Variants in TACC2 observed in about 807,000 individuals in gnomAD.
TACC2 encodes transforming acidic coiled-coil-containing protein 2.
TACC2 carries 137 observed loss-of-function variants against 227.3 expected under a neutral mutation model. The observed-to-expected ratio is 0.60, with a 90% CI of 0.52 to 0.69. TACC2 has a LOEUF of 0.69. TACC2 is among the 30% of genes least tolerant of loss of function. TACC2 has a pLI of 0.00. For missense variants in TACC2, 3,470 were observed against 3,694.4 expected, an observed-to-expected ratio of 0.94 and a Z score of 1.57; for synonymous variants, 1,523 against 1,487.5, an observed-to-expected ratio of 1.02 and a Z score of -0.55.
intron 5 of TACC2, among the ~76,000 whole-genome samples, chr10:122,103,950 G>A (rs1352357524): frequency 6.6e-6 from 1 of 152,190 alleles, no homozygotes; most frequent in African/African-American, 2.4e-5. Flanking sequence ...GGCATTATAA[G>A]ACTAAAACAG....
intron 5 of TACC2, among the ~76,000 whole-genome samples, chr10:122,097,744 C>G (rs1267830003): frequency 6.6e-6 from 1 of 152,090 alleles, no homozygotes; most frequent in East Asian, 1.9e-4. Context: ...ACAATGTCTC[C>G]TGGGGGTAAA....
At chr10:121,989,816 G>A (rs1210046608) in intron 1 of TACC2, among the ~76,000 whole-genome samples, 1 of 151,312 alleles carries the variant, frequency 6.6e-6, no homozygotes, top group Non-Finnish European at 1.5e-5. Flanking sequence ...AGAGTGCGGT[G>A]GCATGATCAT....
At chr10:122,018,368 A>C (rs979912305) in intron 1 of TACC2, among the ~76,000 whole-genome samples, 1 of 152,184 alleles carries the variant, frequency 6.6e-6, no homozygotes, top group African/African-American at 2.4e-5. Context: ...CCATATATGA[A>C]ACATTTACAC....
chr10:122,207,034 C>T (rs369700511), intron 8 of TACC2, among the ~76,000 whole-genome samples: 1 of 151,048 alleles, frequency 6.6e-6, no homozygotes, highest in East Asian at 2.0e-4. Context: ...TGTGGTGGCT[C>T]ACACCTGTAA....
At chr10:122,066,941 A>G (rs1565198898) in intron 3 of TACC2, among the ~76,000 whole-genome samples, 1 of 152,214 alleles carries the variant, frequency 6.6e-6, no homozygotes, top group Non-Finnish European at 1.5e-5. Flanking sequence ...TACATTTATT[A>G]GAAGAGGCTT....
At chr10:122,072,101 C>A (rs1164483197) in intron 3 of TACC2, among the ~76,000 whole-genome samples, 1 of 151,002 alleles carries the variant, frequency 6.6e-6, no homozygotes, top group Non-Finnish European at 1.5e-5. Context: ...GCCTCAACCT[C>A]CCGAGTAGCT....
At chr10:122,077,554 C>T (rs946342160) in intron 3 of TACC2, among the ~76,000 whole-genome samples, 3 of 152,112 alleles carry the variant, frequency 2.0e-5, no homozygotes, top group Middle Eastern at 3.2e-3. Context: ...CGGAATGAGG[C>T]AGGAGAGGGA....
At chr10:122,213,445 T>C in intron 9 of TACC2, 1 of 1,534,098 alleles carries the variant, frequency 6.5e-7, no homozygotes, top group Non-Finnish European at 9.0e-7. Flanking sequence ...TTGTTTCTGC[T>C]TCCAAGCCAT....
rs1369825519 is a variant in TACC2, at chr10:122,194,521, G to A, written c.5835-519G>A. Among the ~76,000 whole-genome samples the A allele has an allele frequency of 2.0e-5, 3 of 152,200 alleles. No homozygotes were observed. The highest frequency in any genetic ancestry group is 6.5e-5 in the Admixed American group (1 of 15,288). ...CCTCCACTGTAGGCTTGGAGATACT[G>A]TGATAAACAAGGCCGGCTGCCCTCC... On this transcript the variant is annotated intron_variant, in intron 7 of 22. Coordinates refer to ENST00000369005, the MANE Select transcript of TACC2 (RefSeq NM_206862.4). This position sits in a 1 kb window ranked among gnomAD's most constrained non-coding sequence, Gnocchi z 4.4.
At chr10:122,122,030 C>T (rs926727202) in intron 5 of TACC2, among the ~76,000 whole-genome samples, 1 of 152,174 alleles carries the variant, frequency 6.6e-6, no homozygotes, top group Non-Finnish European at 1.5e-5. Flanking sequence ...TCGCTTAATT[C>T]CTTGAGTCTC....
At chr10:122,216,394 T>TTA (rs1555150118) in intron 10 of TACC2, among the ~76,000 whole-genome samples, 6 of 151,050 alleles carry the variant, frequency 4.0e-5, no homozygotes, top group African/African-American at 7.3e-5. Context: ...TTTTTTTTTT[T>TTA]AAATTCATGG....
intron 7 of TACC2, among the ~76,000 whole-genome samples, chr10:122,154,987 G>T (rs2139610118): frequency 6.6e-6 from 1 of 152,332 alleles, no homozygotes; most frequent in African/African-American, 2.4e-5. Flanking sequence ...GCAGCCCTGT[G>T]CCAGCTTCTG....
chr10:122,136,891 G>A lies in TACC2; in HGVS notation c.5699+4157G>A, dbSNP rs188724610. Among the ~76,000 whole-genome samples, 345 of 152,140 alleles carry A rather than the reference G, an allele frequency of 2.3e-3. 1 individual carries two copies. Among genetic ancestry groups the A allele is most frequent in the African/African-American group, 7.9e-3 (330 of 41,526 alleles). ...ATTAATAAAAAAAATTTAAAAAAAAGTAGGGCTGGAGCATTTGCTTTAAGC... is the reference window on the plus strand; with the variant it reads ...ATTAATAAAAAAAATTTAAAAAAAAATAGGGCTGGAGCATTTGCTTTAAGC... On this transcript the variant is annotated intron_variant, in intron 6 of 22. Coordinates refer to ENST00000369005, the MANE Select transcript of TACC2 (RefSeq NM_206862.4).
At chr10:122,136,543 G>GTATATATATATATATATATATATA (rs747076679) in intron 6 of TACC2, among the ~76,000 whole-genome samples, 3 of 143,292 alleles carry the variant, frequency 2.1e-5, no homozygotes, top group African/African-American at 5.2e-5. Context: ...TTGTGTGTGT[G>GTATATATATATATATATATATATA]TGTATATATA....
intron 8 of TACC2, among the ~76,000 whole-genome samples, chr10:122,201,795 GATAATA>G (rs1034238700): frequency 6.6e-6 from 1 of 152,210 alleles, no homozygotes; most frequent in Admixed American, 6.5e-5. Flanking sequence ...GATGACATTT[GATAATA>G]ATAATAGAAA....
chr10:122,237,569 T>C (rs1391109098), intron 17 of TACC2, 31 bp downstream of exon 17: 2 of 1,592,034 alleles, frequency 1.3e-6, no homozygotes, highest in African/African-American at 2.7e-5. Flanking sequence ...ATTACCCTCT[T>C]CCTGCCACTT....
chr10:122,201,904 T>C (rs2094870048), intron 8 of TACC2, among the ~76,000 whole-genome samples: 1 of 152,134 alleles, frequency 6.6e-6, no homozygotes, highest in East Asian at 1.9e-4. Context: ...AGCCGATTAG[T>C]GGCAAAGCCA....
chr10:122,143,788 AGCC>A, intron 7 of TACC2, 82 bp downstream of exon 7: 1 of 1,468,296 alleles, frequency 6.8e-7, no homozygotes, highest in Non-Finnish European at 9.3e-7. Context: ...TCTTGGGGTG[AGCC>A]GCATTTAGGA....
intron 5 of TACC2, among the ~76,000 whole-genome samples, chr10:122,091,646 C>T (rs923911173): frequency 6.6e-6 from 1 of 152,102 alleles, no homozygotes; most frequent in African/African-American, 2.4e-5. Flanking sequence ...TCTCTTGAGG[C>T]AGAGGCTCTG....
Sources: allele counts gnomAD v4.1 joint callset (sites outside exome capture counted in the v4.1 genomes callset), GRCh38; gene constraint gnomAD v4.1.1; non-coding constraint Gnocchi (gnomAD v3.1); transcripts MANE v1.5; gene names NCBI Gene and HGNC (gene_info 2026-07-23, HGNC 2026-07-21).